The following PMPCB variants were observed in gnomAD, a reference collection of about 807,000 sequenced individuals.
PMPCB encodes mitochondrial-processing peptidase subunit beta.
A neutral mutation model predicts 61.5 loss-of-function variants in PMPCB; 46 were observed. The ratio of observed to expected loss-of-function variants is 0.75; its 90% CI spans 0.59 to 0.96. The LOEUF is 0.96. PMPCB is among the 40% of genes least tolerant of loss of function. PMPCB has a pLI of 0.00. For missense variants in PMPCB, 590 were observed against 602.4 expected (o/e 0.98, Z 0.22); for synonymous variants, 191 against 201.6 (o/e 0.95, Z 0.44).
intron 12 of PMPCB, chr7:103,322,067 T>C: frequency 6.2e-7 from 1 of 1,610,148 alleles, no homozygotes; most frequent in South Asian, 1.1e-5. Flanking sequence ...CAGCTTCTAA[T>C]TCAGCTTGTC....
At position 103,312,728 on chromosome 7, in the gene PMPCB, C is replaced by T; in HGVS notation, c.*457C>T. The stretch of plus-strand genomic sequence containing the variant: ...TAGTGTTTGGTGTAAAGAATTCAAG[C>T]AACTAAGATAGATAGTACTAAATAT... On this transcript the variant is annotated 3_prime_UTR_variant, in exon 13 of 13. Coordinates refer to ENST00000249269, the MANE Select transcript of PMPCB (RefSeq NM_004279.3). 3 of 1,577,796 alleles carry T rather than the reference C, an allele frequency of 1.9e-6. No homozygotes were observed. The South Asian group carries it at 3.5e-5, about 19-fold the overall frequency.
intron 4 of PMPCB, among the ~76,000 whole-genome samples, chr7:103,302,283 C>T (rs895103439): frequency 1.2e-4 from 19 of 152,152 alleles, no homozygotes; most frequent in Non-Finnish European, 1.5e-5. Context: ...TGATCACTTA[C>T]TCTTATTGGT....
At chr7:103,326,248 G>A (rs1436811000) in intron 12 of PMPCB, among the ~76,000 whole-genome samples, 1 of 152,176 alleles carries the variant, frequency 6.6e-6, no homozygotes, top group Admixed American at 6.5e-5. Flanking sequence ...AAAGTGCTGG[G>A]ATTACAGGTG....
intron 12 of PMPCB, chr7:103,322,734 T>C (rs759794709): frequency 6.2e-6 from 10 of 1,611,184 alleles, no homozygotes; most frequent in Middle Eastern, 1.6e-4. Context: ...TCATTTCTTC[T>C]TTTTTTCTTT....
At chr7:103,328,407 G>A (rs994973684) in intron 12 of PMPCB, among the ~76,000 whole-genome samples, 1 of 151,938 alleles carries the variant, frequency 6.6e-6, no homozygotes, top group Non-Finnish European at 1.5e-5. Context: ...GAGCTGGGAG[G>A]ATCACTTGAG....
rs1586056741 is a variant in PMPCB, at chr7:103,313,176, T to A, written c.*905T>A. 6.7e-7 allele frequency: 1 copy of A among 1,495,756 alleles called. No homozygotes were observed. The highest frequency in any genetic ancestry group is 8.9e-7 in the Non-Finnish European group (1 of 1,129,630). The allele number at this position is 1,495,756 out of a possible 1,614,324, so 92.7% of individuals were successfully genotyped here. ...GACAAGTCTTGTGGTCCACAAGTAT[T>A]CGCTAAGTGCCCATTTCAATCTGGG... is the stretch of plus-strand genomic sequence containing the variant. On this transcript the variant is annotated 3_prime_UTR_variant, in exon 13 of 13. Transcript: ENST00000249269.
At chr7:103,338,180 G>C in the PMPCB span, among the ~76,000 whole-genome samples, 1 of 151,858 alleles carries the variant, frequency 6.6e-6, no homozygotes, top group Non-Finnish European at 1.5e-5. Flanking sequence ...AGAAGTAGCA[G>C]GATTACTTGA....
chr7:103,342,153 GTATT>G, the PMPCB span, among the ~76,000 whole-genome samples: 3 of 152,086 alleles, frequency 2.0e-5, no homozygotes, highest in African/African-American at 7.2e-5. Context: ...GTATTAAAGA[GTATT>G]TAATCAACCT....
chr7:103,302,731 G>A (rs750233139), intron 4 of PMPCB, among the ~76,000 whole-genome samples: 18 of 152,154 alleles, frequency 1.2e-4, no homozygotes, highest in Non-Finnish European at 2.5e-4. Context: ...ACAACAGTTT[G>A]TAGTAGAGTA....
At chr7:103,301,430 A>G (rs1001971185) in intron 4 of PMPCB, among the ~76,000 whole-genome samples, 2 of 152,274 alleles carry the variant, frequency 1.3e-5, no homozygotes, top group East Asian at 1.9e-4. Context: ...CCAAGAACAT[A>G]TGGCTAGGCC....
intron 12 of PMPCB, chr7:103,324,697 G>A (rs765524515): frequency 7.8e-6 from 7 of 898,774 alleles, no homozygotes; most frequent in Non-Finnish European, 1.1e-5. Flanking sequence ...TCTACAACTC[G>A]AAGATGGAGC....
chr7:103,307,681 G>A lies in PMPCB; in HGVS notation c.822G>A (p.Leu274=), dbSNP rs2115683064. ...LCTHKGEIPA[L]PPCKFTGSEI... is the part of the protein sequence containing the mutation. ...CACACAAAGGAGAAATACCAGCTCT[G>A]CCTCCCTGCAAATTCACAGGAAGTG... The change falls in exon 7 of 13, where the codon CTG becomes CTA. Residue 274 remains leucine (L), a synonymous_variant. Transcript: ENST00000249269. 1 of 1,610,892 alleles carries A rather than the reference G, an allele frequency of 6.2e-7. No individual in the cohort carries two copies. The highest frequency in any genetic ancestry group is 1.7e-5 in the Admixed American group (1 of 60,012).
the PMPCB span, among the ~76,000 whole-genome samples, chr7:103,341,541 G>C: frequency 6.6e-6 from 1 of 152,144 alleles, no homozygotes; most frequent in Admixed American, 6.5e-5. Context: ...TTTAAGACCG[G>C]TGCAAACATT....
At chr7:103,301,407 G>A (rs1451496646) in intron 4 of PMPCB, among the ~76,000 whole-genome samples, 1 of 152,222 alleles carries the variant, frequency 6.6e-6, no homozygotes, top group Non-Finnish European at 1.5e-5. Context: ...TTTGTCCCAG[G>A]ACTAATTAGG....
At chr7:103,325,009 T>C (rs1473736478) in intron 12 of PMPCB, among the ~76,000 whole-genome samples, 1 of 152,184 alleles carries the variant, frequency 6.6e-6, no homozygotes, top group African/African-American at 2.4e-5. Context: ...ACCTTCCCCT[T>C]AGAGCCAGAT....
At chr7:103,305,036 G>A (rs186782902) in intron 6 of PMPCB, among the ~76,000 whole-genome samples, 5 of 152,264 alleles carry the variant, frequency 3.3e-5, no homozygotes, top group Admixed American at 2.6e-4. Flanking sequence ...ATAGTAGAAC[G>A]TGCAAGAAAA....
chr7:103,318,851 A>G (rs1028185036), downstream of PMPCB, among the ~76,000 whole-genome samples: 1 of 152,234 alleles, frequency 6.6e-6, no homozygotes, highest in Non-Finnish European at 1.5e-5. Flanking sequence ...AGATACCACA[A>G]ATCAAACACT....
At chr7:103,336,155 G>A in the PMPCB span, 1 of 152,084 alleles carries the variant, frequency 6.6e-6, no homozygotes, top group Non-Finnish European at 1.5e-5. Flanking sequence ...CAACAAGTAC[G>A]AAATTCTGTC....
At chr7:103,318,538 T>A (rs576426785), downstream of PMPCB, among the ~76,000 whole-genome samples, 3 of 152,306 alleles carry the variant, frequency 2.0e-5, no homozygotes, top group Non-Finnish European at 2.9e-5. Flanking sequence ...TACTATGGGC[T>A]CTCCATCTTT....
Sources: allele counts gnomAD v4.1 joint callset (sites outside exome capture counted in the v4.1 genomes callset), GRCh38; gene constraint gnomAD v4.1.1; transcripts MANE v1.5; gene names NCBI Gene and HGNC (gene_info 2026-07-23, HGNC 2026-07-21).